RRN3: variants seen among roughly 807,000 people sequenced by gnomAD.
RRN3 encodes the protein RNA polymerase I transcription factor RRN3, also known as RNA polymerase I-specific transcription initiation factor RRN3.
In RRN3, 38 loss-of-function variants were observed where a neutral mutation model predicts 82.3. That is an observed-to-expected ratio of 0.46 (90% CI 0.36 to 0.61). RRN3 has a LOEUF of 0.61. Ranked by LOEUF, RRN3 falls within the 20% of genes least tolerant of loss-of-function variation. RRN3 has a pLI of 0.00. For missense variants in RRN3, 726 were observed against 793.1 expected (o/e 0.92, Z 1.02); for synonymous variants, 284 against 284.3 (o/e 1.00, Z 0.01).
rs2044689556 is a variant in RRN3 at position 15,060,988 on chromosome 16, CTG to C, written c.*754_*755del. 1 of 152,268 alleles carries C rather than the reference CTG, an allele frequency of 6.6e-6. No homozygotes were observed. Among genetic ancestry groups the C allele is most frequent in the African/African-American group, 2.4e-5 (1 of 41,462 alleles). The allele number at this position is 152,268 out of a possible 1,614,324, so 9.4% of individuals were successfully genotyped here. ...ACACAAGCCCGAACTCACTTTCAGTCTGTGTGAATTACATCTACCTGGACCTC... is the reference window on the plus strand; with the variant it reads ...ACACAAGCCCGAACTCACTTTCAGTCTGTGAATTACATCTACCTGGACCTC... On this transcript the variant is annotated 3_prime_UTR_variant, in exon 18 of 18. Transcript: ENST00000198767.
intron 8 of RRN3, 46 bp downstream of exon 8, chr16:15,083,467 G>C: frequency 3.1e-6 from 5 of 1,605,276 alleles, no homozygotes; most frequent in South Asian, 1.1e-5. Flanking sequence ...AAATGAAATC[G>C]TACAAACAAC....
intron 16 of RRN3, among the ~76,000 whole-genome samples, chr16:15,064,672 T>C (rs934654584): frequency 3.9e-5 from 6 of 152,224 alleles, no homozygotes; most frequent in African/African-American, 1.4e-4. Flanking sequence ...TTGATGTCAG[T>C]CTGGCTCCTA....
Position 15,060,969 on chromosome 16 carries a change from G to A in RRN3, c.*775C>T, listed in dbSNP as rs561471786. The A allele has an allele frequency of 6.6e-6, 1 of 152,366 alleles. No individual in the cohort carries two copies. The highest frequency in any genetic ancestry group is 6.5e-5 in the Admixed American group (1 of 15,308). 9.4% of individuals were successfully genotyped at this position (152,366 alleles called of 1,614,324 possible). A position where few individuals can be genotyped will look rare whatever the true frequency, so the allele number is the denominator to read the frequency against. On this transcript the variant is annotated 3_prime_UTR_variant, in exon 18 of 18. Transcript: ENST00000198767. ...ATCCAATCTCATGTGTTTTACACAA[G>A]CCCGAACTCACTTTCAGTCTGTGTG...
chr16:15,068,607 G>A (rs1352489081), intron 14 of RRN3, among the ~76,000 whole-genome samples: 2 of 152,194 alleles, frequency 1.3e-5, no homozygotes, highest in African/African-American at 4.8e-5. Flanking sequence ...AAGACCTTGT[G>A]ATTTGGTTTC....
intron 12 of RRN3, among the ~76,000 whole-genome samples, chr16:15,072,403 G>A (rs1348415285): frequency 1.3e-5 from 2 of 152,134 alleles, no homozygotes; most frequent in Non-Finnish European, 2.9e-5. Context: ...ATAGAGAAAG[G>A]CTTAAGGGAA....
intron 16 of RRN3, among the ~76,000 whole-genome samples, 158 bp downstream of exon 16, chr16:15,065,061 G>A (rs1446707068): frequency 6.6e-6 from 1 of 151,970 alleles, no homozygotes; most frequent in African/African-American, 2.4e-5. Context: ...AGCTACTCGG[G>A]AGGCTGAGTC....
At chr16:15,071,083 A>G (rs1567195366) in intron 13 of RRN3, 38 bp downstream of exon 13, 4 of 1,553,586 alleles carry the variant, frequency 2.6e-6, no homozygotes, top group Middle Eastern at 2.4e-4. Flanking sequence ...TTTTTAAAGC[A>G]TGATATTAAA....
In RRN3 at chr16:15,074,802, C is replaced by G. The variant is rs2045381217; in HGVS notation, c.918G>C (p.Met306Ile). The change falls in exon 11 of 18, where the codon ATG becomes ATC. Residue 306 changes from methionine (M) to isoleucine (I), a missense_variant. Coordinates refer to ENST00000198767, the MANE Select transcript of RRN3 (RefSeq NM_018427.5). ...CCAGGCGCTCGGCTACAGGATGCAC[C>G]ATCTGGTCGAGCCGTTCAGGACCAG... ...TKAGPERLDQMVHPVAERLDI... is the reference protein window; with the variant it reads ...TKAGPERLDQIVHPVAERLDI... The G allele has an allele frequency of 6.2e-7, 1 of 1,613,878 alleles. No homozygotes were observed. The highest frequency in any genetic ancestry group is 1.1e-5 in the South Asian group (1 of 91,076).
intron 17 of RRN3, 97 bp from the exon 18 acceptor site, chr16:15,062,002 T>A (rs1422850130): frequency 8.2e-7 from 1 of 1,216,482 alleles, no homozygotes; most frequent in African/African-American, 1.5e-5. Flanking sequence ...TTTGTAAAGA[T>A]GGTGAAGAAA....
At chr16:15,066,110 G>T (rs1321427558) in intron 15 of RRN3, among the ~76,000 whole-genome samples, 1 of 152,178 alleles carries the variant, frequency 6.6e-6, no homozygotes, top group Non-Finnish European at 1.5e-5. Context: ...GGTCACCATG[G>T]CAACTTCAAG....
chr16:15,068,737 A>T (rs1295269569), intron 14 of RRN3, among the ~76,000 whole-genome samples: 3 of 152,206 alleles, frequency 2.0e-5, no homozygotes, highest in African/African-American at 7.2e-5. Flanking sequence ...TTTTTTTTCT[A>T]AACAAGAAAA....
In RRN3 at chr16:15,061,730, A is replaced by G; in HGVS notation, c.*14T>C. The G allele has an allele frequency of 6.3e-7, 1 of 1,599,762 alleles. No homozygotes were observed. Among genetic ancestry groups the G allele is most frequent in the Non-Finnish European group, 8.6e-7 (1 of 1,168,268 alleles). On this transcript the variant is annotated 3_prime_UTR_variant, in exon 18 of 18. Transcript: ENST00000198767. ...GAATCCCAAATGTCACATCTCAGTC[A>G]CAAATTTCTGCCGTCAGAGGGGACT...
intron 9 of RRN3, among the ~76,000 whole-genome samples, chr16:15,076,980 C>G (rs1018416453): frequency 1.4e-5 from 2 of 143,916 alleles, no homozygotes; most frequent in African/African-American, 5.1e-5. Flanking sequence ...ACCCAAATCA[C>G]TTTTTTTTTT....
At chr16:15,063,508 A>G (rs1041438112) in intron 16 of RRN3, among the ~76,000 whole-genome samples, 2 of 152,044 alleles carry the variant, frequency 1.3e-5, no homozygotes, top group African/African-American at 4.8e-5. Flanking sequence ...GGAGATCGAG[A>G]CCATCCTGGC....
chr16:15,093,300 G>A (rs577658273), intron 1 of RRN3, among the ~76,000 whole-genome samples: 53 of 152,248 alleles, frequency 3.5e-4, no homozygotes, highest in Admixed American at 1.8e-3. Flanking sequence ...AACCGCGCCC[G>A]GCCTAGATTT....
rs185363995 is a variant in RRN3 at position 15,092,827 on chromosome 16, G to C, written c.90-213C>G. On this transcript the variant is annotated intron_variant, in intron 1 of 17. Transcript: ENST00000198767. ...TTACAGTAAAAATCCAAATCTCTCA[G>C]TGTGGTCTTTAAGATCCTACATTAA... 1.6e-3 allele frequency among the ~76,000 whole-genome samples: 246 copies of C among 152,182 alleles called. 1 individual carries two copies. Among genetic ancestry groups the C allele is most frequent in the African/African-American group, 5.5e-3 (229 of 41,510 alleles).
intron 2 of RRN3, among the ~76,000 whole-genome samples, chr16:15,092,043 G>A (rs2046151975): frequency 6.6e-6 from 1 of 152,150 alleles, no homozygotes; most frequent in Non-Finnish European, 1.5e-5. Context: ...GCCAGGTGTG[G>A]TGGTGTGTGC....
intron 3 of RRN3, among the ~76,000 whole-genome samples, chr16:15,088,733 A>G (rs1199189992): frequency 3.9e-5 from 6 of 152,310 alleles, no homozygotes; most frequent in African/African-American, 7.2e-5. Context: ...GAAAACTGAA[A>G]AACGTTCAGT....
chr16:15,066,827 T>C (rs1283374583), intron 15 of RRN3, among the ~76,000 whole-genome samples: 4 of 151,698 alleles, frequency 2.6e-5, no homozygotes, highest in African/African-American at 9.7e-5. Flanking sequence ...ACCATATCTG[T>C]ACCTAGGCAG....
Sources: allele counts gnomAD v4.1 joint callset (sites outside exome capture counted in the v4.1 genomes callset), GRCh38; gene constraint gnomAD v4.1.1; transcripts MANE v1.5; gene names NCBI Gene and HGNC (gene_info 2026-07-23, HGNC 2026-07-21).